The following KCNT2 variants were observed in gnomAD, a reference collection of about 807,000 sequenced individuals.
KCNT2 encodes the protein potassium sodium-activated channel subfamily T member 2.
In KCNT2, 67 loss-of-function variants were observed where a neutral mutation model predicts 153.8. That is an observed-to-expected ratio of 0.44 (90% confidence interval 0.36 to 0.53). KCNT2 has a LOEUF of 0.53. KCNT2 is among the 20% of genes least tolerant of loss of function. The pLI is 0.00. For synonymous variants in KCNT2, 500 were observed against 458.8 expected, an observed-to-expected ratio of 1.09 and a Z score of -1.15; for missense variants, 975 against 1,354.8, an observed-to-expected ratio of 0.72 and a Z score of 4.40.
intron 1 of KCNT2, among the ~76,000 whole-genome samples, chr1:196,593,246 C>T (rs1663604443): frequency 1.4e-5 from 2 of 146,692 alleles, no homozygotes; most frequent in Admixed American, 6.9e-5. Flanking sequence ...GCTGCAAATG[C>T]CATTAATTCA....
chr1:196,438,956 T>C (rs1051754134), intron 8 of KCNT2, among the ~76,000 whole-genome samples: 1 of 151,928 alleles, frequency 6.6e-6, no homozygotes, highest in Non-Finnish European at 1.5e-5. Context: ...GGATATTTAA[T>C]TTTAAATGAC....
At chr1:196,317,744 C>G (rs1480161752) in intron 20 of KCNT2, among the ~76,000 whole-genome samples, 2 of 151,632 alleles carry the variant, frequency 1.3e-5, no homozygotes, top group Admixed American at 6.6e-5. Flanking sequence ...GAACATTTGA[C>G]CAAAACTTCA....
intron 13 of KCNT2, among the ~76,000 whole-genome samples, chr1:196,384,157 A>T (rs1037543456): frequency 1.3e-5 from 2 of 152,128 alleles, no homozygotes; most frequent in Non-Finnish European, 2.9e-5. Context: ...AAATTTATAC[A>T]ATTTTATTTA....
intron 7 of KCNT2, among the ~76,000 whole-genome samples, chr1:196,466,360 C>T (rs915562659): frequency 1.3e-5 from 2 of 151,956 alleles, no homozygotes; most frequent in African/African-American, 4.8e-5. Context: ...CCACACTCTC[C>T]CACCCTTTGG....
intron 12 of KCNT2, among the ~76,000 whole-genome samples, chr1:196,405,256 A>C (rs1244499459): frequency 6.6e-6 from 1 of 151,396 alleles, no homozygotes; most frequent in Non-Finnish European, 1.5e-5. Context: ...CCATATTTCG[A>C]ATCATAGAGT....
At chr1:196,417,944 G>C (rs1214350952) in intron 12 of KCNT2, among the ~76,000 whole-genome samples, 1 of 152,138 alleles carries the variant, frequency 6.6e-6, no homozygotes, top group East Asian at 1.9e-4. Context: ...TGTATATTCA[G>C]TGTGTCACTG....
At chr1:196,270,271 C>T (rs1266793580) in intron 25 of KCNT2, among the ~76,000 whole-genome samples, 1 of 151,666 alleles carries the variant, frequency 6.6e-6, no homozygotes, top group Non-Finnish European at 1.5e-5. Flanking sequence ...TCAGCCTAGC[C>T]CAAATCAAGA....
intron 13 of KCNT2, among the ~76,000 whole-genome samples, chr1:196,385,050 G>A (rs1181609362): frequency 6.6e-6 from 1 of 152,034 alleles, no homozygotes; most frequent in Non-Finnish European, 1.5e-5. Flanking sequence ...GTTTCACCAA[G>A]AGAAATATGC....
At chr1:196,229,613 C>T (rs895411075) in intron 27 of KCNT2, among the ~76,000 whole-genome samples, 4 of 152,012 alleles carry the variant, frequency 2.6e-5, no homozygotes, top group African/African-American at 9.7e-5. Flanking sequence ...ACATCAAAAG[C>T]TTACATAAGT....
At chr1:196,448,459 G>A (rs537097689) in intron 8 of KCNT2, among the ~76,000 whole-genome samples, 5 of 151,518 alleles carry the variant, frequency 3.3e-5, no homozygotes, top group East Asian at 3.9e-4. Flanking sequence ...ATTGAGAAAC[G>A]TGTGTTTTGT....
At chr1:196,588,173 C>G (rs1662914179) in intron 1 of KCNT2, among the ~76,000 whole-genome samples, 1 of 151,664 alleles carries the variant, frequency 6.6e-6, no homozygotes, top group African/African-American at 2.4e-5. Flanking sequence ...GTTATTTGAA[C>G]ATGGTATTAG....
intron 1 of KCNT2, among the ~76,000 whole-genome samples, chr1:196,561,948 T>G (rs940726776): frequency 1.3e-4 from 20 of 151,868 alleles, no homozygotes; most frequent in Non-Finnish European, 2.8e-4. Flanking sequence ...GACCTGGAAT[T>G]CATAGAAGGG....
chr1:196,315,872 T>A lies in KCNT2; in HGVS notation c.2483+20A>T, dbSNP rs764089533. ...TTTAGCACAAAGTAAGTGGCAAGGT[T>A]GGATGATTCAGCCACTTACCTGAAG... On this transcript the variant is annotated intron_variant, in intron 21 of 27. Coordinates refer to ENST00000294725, the MANE Select transcript of KCNT2 (RefSeq NM_198503.5). 6.3e-7 allele frequency: 1 copy of A among 1,593,874 alleles called. No individual in the cohort carries two copies. Among genetic ancestry groups the A allele is most frequent in the South Asian group, 1.1e-5 (1 of 88,396 alleles).
At chr1:196,547,814 C>A (rs1657315041) in intron 1 of KCNT2, among the ~76,000 whole-genome samples, 1 of 151,684 alleles carries the variant, frequency 6.6e-6, no homozygotes, top group South Asian at 2.1e-4. Flanking sequence ...AATACATCTT[C>A]TTTTAGAAAA....
intron 1 of KCNT2, among the ~76,000 whole-genome samples, chr1:196,527,865 T>A (rs1654447548): frequency 6.6e-6 from 1 of 152,210 alleles, no homozygotes; most frequent in African/African-American, 2.4e-5. Flanking sequence ...TGGTCTTGTA[T>A]CATGGCTCCT....
At chr1:196,600,709 A>G (rs976692139) in intron 1 of KCNT2, among the ~76,000 whole-genome samples, 6 of 152,224 alleles carry the variant, frequency 3.9e-5, no homozygotes, top group Non-Finnish European at 7.3e-5. Flanking sequence ...TGCAAGAGTA[A>G]AACAGTATCT....
chr1:196,579,670 T>C (rs1661787387), intron 1 of KCNT2, among the ~76,000 whole-genome samples: 1 of 151,970 alleles, frequency 6.6e-6, no homozygotes, highest in Non-Finnish European at 1.5e-5. Flanking sequence ...TTTTTGTATT[T>C]ATAGTAGAGA....
chr1:196,334,180 T>G, intron 16 of KCNT2, 120 bp from the exon 17 acceptor site: 2 of 612,016 alleles, frequency 3.3e-6, no homozygotes, highest in Non-Finnish European at 5.7e-6. Context: ...AGAGAGTATA[T>G]ATTTATGCGT....
rs369641161 is a variant in KCNT2, at chr1:196,300,172, G to C, written c.2595+5062C>G. ...GAAGTTACATAGGTAATGATGGCTT[G>C]AGAAGAAGCTTGAGTGGAAAGACAG... On this transcript the variant is annotated intron_variant, in intron 22 of 27. Transcript: ENST00000294725. Among the ~76,000 whole-genome samples, 10 of 152,224 alleles carry C rather than the reference G, an allele frequency of 6.6e-5. 1 individual carries two copies. Among genetic ancestry groups the C allele is most frequent in the Admixed American group, 4.6e-4 (7 of 15,278 alleles).
Sources: gnomAD v4.1 joint callset for allele counts (sites outside exome capture counted in the v4.1 genomes callset) on GRCh38, gnomAD v4.1.1 for gene constraint, MANE v1.5 for transcripts, NCBI Gene and HGNC (gene_info 2026-07-23, HGNC 2026-07-21) for gene names.